SLC9A1: variants seen among roughly 807,000 people sequenced by gnomAD.
SLC9A1 encodes sodium/hydrogen exchanger 1.
SLC9A1 carries 22 observed loss-of-function variants against 67.9 expected under a neutral mutation model. That is an observed-to-expected ratio of 0.32 (90% CI 0.23 to 0.46). The LOEUF (loss-of-function observed/expected upper bound fraction) is 0.46. Ranked by LOEUF, SLC9A1 falls within the 20% of genes least tolerant of loss-of-function variation. The pLI, the probability that SLC9A1 is intolerant of heterozygous loss-of-function variation, is 1.00. For missense variants in SLC9A1, 686 were observed against 1,094.8 expected, an observed-to-expected ratio of 0.63 and a Z score of 5.27; for synonymous variants, 421 against 471.8, an observed-to-expected ratio of 0.89 and a Z score of 1.40.
chr1:27,131,947 A>AAATATATAT, intron 1 of SLC9A1, among the ~76,000 whole-genome samples: 13 of 52,116 alleles, frequency 2.5e-4, no homozygotes, highest in East Asian at 1.1e-3. Flanking sequence ...AGAAAAAAAA[A>AAATATATAT]ATATATATAT....
intron 1 of SLC9A1, among the ~76,000 whole-genome samples, chr1:27,150,841 C>T (rs1422596049): frequency 1.3e-5 from 2 of 152,114 alleles, no homozygotes; most frequent in Admixed American, 1.3e-4. Flanking sequence ...GGAAGGAGAA[C>T]TGCAAAGCAC....
intron 4 of SLC9A1, among the ~76,000 whole-genome samples, 168 bp downstream of exon 4, chr1:27,107,480 C>T (rs913576550): frequency 9.2e-5 from 14 of 151,508 alleles, no homozygotes; most frequent in African/African-American, 2.9e-4. Context: ...CACACCACAG[C>T]CCAGCCCCTC....
chr1:27,137,060 C>T lies in SLC9A1; in HGVS notation c.352+16923G>A, dbSNP rs191371647. ...ATCTGCCCCCAGGGCCCACCTGCAA[C>T]GTGCTGTGTCCCTGCGGCACTTCAG... On this transcript the variant is annotated intron_variant, in intron 1 of 11. Transcript: ENST00000263980. This position sits in a 1 kb window ranked among gnomAD's most constrained non-coding sequence, Gnocchi z 4.6. Among the ~76,000 whole-genome samples, 27 of 152,374 alleles carry T rather than the reference C, an allele frequency of 1.8e-4. No individual in the cohort carries two copies. The East Asian group carries it at 5.0e-3, about 28-fold the overall frequency.
chr1:27,143,612 G>A (rs1014734337), intron 1 of SLC9A1, among the ~76,000 whole-genome samples: 3 of 152,130 alleles, frequency 2.0e-5, no homozygotes, highest in Admixed American at 6.6e-5. Flanking sequence ...AGGCCTCAAC[G>A]GAACAGAGGC....
intron 1 of SLC9A1, among the ~76,000 whole-genome samples, chr1:27,119,439 G>A (rs942536546): frequency 6.6e-6 from 1 of 152,144 alleles, no homozygotes; most frequent in African/African-American, 2.4e-5. Flanking sequence ...GCTGCAACTC[G>A]GCCAGGTCCC....
intron 1 of SLC9A1, among the ~76,000 whole-genome samples, chr1:27,148,033 G>A (rs1557437186): frequency 6.6e-6 from 1 of 152,042 alleles, no homozygotes; most frequent in South Asian, 2.1e-4. Context: ...GGCTCAGAGA[G>A]GTTATGCCTT....
chr1:27,104,712 A>AAATAAGCCCAGCCCC (rs2083172542), intron 5 of SLC9A1, among the ~76,000 whole-genome samples: 1 of 152,192 alleles, frequency 6.6e-6, no homozygotes, highest in South Asian at 2.1e-4. Context: ...AAAGGACAGA[A>AAATAAGCCCAGCCCC]AATAAGCCCA....
In SLC9A1 at chr1:27,137,650, C is replaced by T. The variant is rs2083428004; in HGVS notation, c.352+16333G>A. On this transcript the variant is annotated intron_variant, in intron 1 of 11. Coordinates refer to ENST00000263980, the MANE Select transcript of SLC9A1 (RefSeq NM_003047.5). This position sits in a 1 kb window ranked among gnomAD's most constrained non-coding sequence, Gnocchi z 4.6. ...TGATTCTAGGTCTGCCCTTTCCTGA[C>T]CTGACAACTCCCCAGGCCACGACCA... Among the ~76,000 whole-genome samples the T allele has an allele frequency of 3.3e-5, 5 of 152,184 alleles. No homozygotes were observed. Among genetic ancestry groups the T allele is most frequent in the Admixed American group, 3.3e-4 (5 of 15,272 alleles).
chr1:27,110,237 C>T (rs1005286676), intron 2 of SLC9A1, among the ~76,000 whole-genome samples: 5 of 152,208 alleles, frequency 3.3e-5, no homozygotes, highest in African/African-American at 9.6e-5. Context: ...ATCAAGTCTG[C>T]CTCTCACTGC....
chr1:27,109,613 G>C lies in SLC9A1; in HGVS notation c.978C>G (p.Ile326Met). ...AAFTSRFTSHIRVIEPLFVFL... is the reference protein window; with the variant it reads ...AAFTSRFTSHMRVIEPLFVFL... ...AGACGAAGAGCGGCTCGATGACCCG[G>C]ATGTGGGAGGTAAATCGGGAGGTGA... is the stretch of plus-strand genomic sequence containing the variant. The change falls in exon 3 of 12, where the codon ATC becomes ATG. Residue 326 changes from isoleucine (I) to methionine (M), a missense_variant. Physicochemically the swap from Ile to Met is conservative, Grantham distance 10. Around this residue, in one of 7 missense-constraint regions of SLC9A1, gnomAD observed 58 missense variants for 68.9 expected, o/e 0.84. Coordinates refer to ENST00000263980, the MANE Select transcript of SLC9A1 (RefSeq NM_003047.5). The surrounding 1 kb of genome is among the most constrained non-coding windows in gnomAD (Gnocchi z 5.5). 6.2e-7 allele frequency: 1 copy of C among 1,613,938 alleles called. No homozygotes were observed. The highest frequency in any genetic ancestry group is 8.5e-7 in the Non-Finnish European group (1 of 1,179,992).
chr1:27,143,870 T>C (rs2083466405), intron 1 of SLC9A1, among the ~76,000 whole-genome samples: 1 of 152,090 alleles, frequency 6.6e-6, no homozygotes, highest in Non-Finnish European at 1.5e-5. Flanking sequence ...ACTCAATATA[T>C]ACATGGAGAA....
In SLC9A1 at chr1:27,105,935, G is replaced by A; in HGVS notation, c.1435C>T (p.Leu479=). 6.2e-7 allele frequency: 1 copy of A among 1,613,704 alleles called. No individual in the cohort carries two copies. The highest frequency in any genetic ancestry group is 8.5e-7 in the Non-Finnish European group (1 of 1,180,024). ...LDKKHFPMCD[L]FLTAIITVIF... The stretch of plus-strand genomic sequence containing the variant: ...ACAGTGATGATGGCAGTGAGGAACA[G>A]GTCACACATGGGGAAGTGCTTCTTG... Residue 479 remains leucine, a synonymous_variant, in exon 5 of 12, where the codon CTG becomes TTG. Transcript: ENST00000263980.
chr1:27,144,702 C>A (rs1176494514), intron 1 of SLC9A1, among the ~76,000 whole-genome samples: 1 of 152,196 alleles, frequency 6.6e-6, no homozygotes. Flanking sequence ...TTACTCTGTG[C>A]CAGGCACAGA....
In SLC9A1 at chr1:27,114,419, T is replaced by C. The variant is rs2083252354; in HGVS notation, c.353-133A>G. 4 of 663,300 alleles carry C rather than the reference T, an allele frequency of 6.0e-6. No individual in the cohort carries two copies. In the South Asian group the frequency reaches 7.9e-5, roughly 13 times the overall value. 41.1% of individuals were successfully genotyped at this position (663,300 alleles called of 1,614,324 possible). The stretch of plus-strand genomic sequence containing the variant: ...GGCTGGGTCTCAGAGGGCTGCTCTG[T>C]TAACTCTCTGAGCCTCCGCTTCCTC... On this transcript the variant is annotated intron_variant, in intron 1 of 11. Transcript: ENST00000263980. The surrounding 1 kb of genome is among the most constrained non-coding windows in gnomAD (Gnocchi z 5.4).
chr1:27,102,201 AG>A, intron 8 of SLC9A1, 71 bp from the exon 9 acceptor site: 2 of 1,442,712 alleles, frequency 1.4e-6, no homozygotes, highest in Non-Finnish European at 2.0e-6. Context: ...TTTGGCCAGA[AG>A]GAAGTCACCC....
chr1:27,106,038 C>T lies in SLC9A1; in HGVS notation c.1332G>A (p.Leu444=). The change falls in exon 5 of 12, where the codon CTG becomes CTA. Residue 444 remains leucine, a synonymous_variant. Transcript: ENST00000263980. This position sits in a 1 kb window ranked among gnomAD's most constrained non-coding sequence, Gnocchi z 4.3. ...WFINKFRIVK[L]TPKDQFIIAY... ...CGATGATGAACTGGTCCTTGGGGGT[C>T]AGCTTCACGATACGGAACTTGTTGA... 1.2e-6 allele frequency: 2 copies of T among 1,613,610 alleles called. No individual in the cohort carries two copies. The highest frequency in any genetic ancestry group is 1.7e-6 in the Non-Finnish European group (2 of 1,180,012).
chr1:27,109,258 T>G lies in SLC9A1; in HGVS notation c.1064+269A>C, dbSNP rs1455092914. Among the ~76,000 whole-genome samples the G allele has an allele frequency of 6.6e-6, 1 of 152,200 alleles. No individual in the cohort carries two copies. The highest frequency in any genetic ancestry group is 1.5e-5 in the Non-Finnish European group (1 of 68,030). The stretch of plus-strand genomic sequence containing the variant: ...GGGCTTGCCTTCATGCAGGTCATTC[T>G]TGCTTCATCTGCTCATAGCCTGAAA... On this transcript the variant is annotated intron_variant, in intron 3 of 11. Transcript: ENST00000263980. This position sits in a 1 kb window ranked among gnomAD's most constrained non-coding sequence, Gnocchi z 5.5.
chr1:27,101,470 C>T lies in SLC9A1; in HGVS notation c.2038-195G>A, dbSNP rs2083144244. 6.6e-6 allele frequency among the ~76,000 whole-genome samples: 1 copy of T among 152,150 alleles called. No homozygotes were observed. Among genetic ancestry groups the T allele is most frequent in the Non-Finnish European group, 1.5e-5 (1 of 68,030 alleles). On this transcript the variant is annotated intron_variant, in intron 10 of 11. Transcript: ENST00000263980. The surrounding 1 kb of genome is among the most constrained non-coding windows in gnomAD (Gnocchi z 4.9). Reference sequence around the variant, plus strand: ...CATCCCAGGCTCCTGTCACAGCCTCCCTGAATACACCTACACTGCTCAGCC... The same window carrying T: ...CATCCCAGGCTCCTGTCACAGCCTCTCTGAATACACCTACACTGCTCAGCC...
At chr1:27,119,790 A>T (rs2083293488) in intron 1 of SLC9A1, among the ~76,000 whole-genome samples, 1 of 152,158 alleles carries the variant, frequency 6.6e-6, no homozygotes, top group African/African-American at 2.4e-5. Flanking sequence ...CTTTATTCTT[A>T]CTTTGTTTCT....
Sources: allele counts gnomAD v4.1 joint callset (sites outside exome capture counted in the v4.1 genomes callset), GRCh38; gene constraint gnomAD v4.1.1; regional missense constraint gnomAD v4.1.1; non-coding constraint Gnocchi (gnomAD v3.1); transcripts MANE v1.5; gene names NCBI Gene and HGNC (gene_info 2026-07-23, HGNC 2026-07-21).